Variants in IL36B observed in about 807,000 individuals in gnomAD.
The protein encoded by IL36B is interleukin-36 beta.
IL36B carries 23 observed loss-of-function variants against 19.3 expected under a neutral mutation model. The ratio of observed to expected loss-of-function variants is 1.19; its 90% confidence interval spans 0.86 to 1.69. The LOEUF (loss-of-function observed/expected upper bound fraction) is 1.69, where lower values mean the gene tolerates loss of function less well. IL36B is among the 40% of genes most tolerant of loss of function. IL36B has a pLI of 0.00. For missense variants in IL36B, 217 were observed against 200.5 expected (o/e 1.08, Z -0.50); for synonymous variants, 59 against 59.7 (o/e 0.99, Z 0.05).
At position 113,022,209 on chromosome 2, in the gene IL36B, G is replaced by A. The variant is rs148377545; in HGVS notation, c.*465C>T. On this transcript the variant is annotated 3_prime_UTR_variant, in exon 6 of 6. Coordinates refer to ENST00000259213, the MANE Select transcript of IL36B (RefSeq NM_014438.5). ...TTAAGTTATACATACTAAACAGAGC[G>A]TTTCACTCCTCATGCTCTAGTGAAT... 8.4e-4 allele frequency: 128 copies of A among 153,214 alleles called. No individual in the cohort carries two copies. Among genetic ancestry groups the A allele is most frequent in the African/African-American group, 2.8e-3 (117 of 41,528 alleles). 9.5% of individuals were successfully genotyped at this position (153,214 alleles called of 1,614,324 possible).
chr2:113,026,066 T>C (rs769366818), intron 5 of IL36B: 8 of 1,606,658 alleles, frequency 5.0e-6, no homozygotes, highest in Non-Finnish European at 6.8e-6. Flanking sequence ...CTCAGAATTG[T>C]CCACCTGTGG....
At chr2:113,044,932 TCTCCC>T (rs1685323783) in intron 1 of IL36B, among the ~76,000 whole-genome samples, 1 of 152,138 alleles carries the variant, frequency 6.6e-6, no homozygotes, top group African/African-American at 2.4e-5. Context: ...TTTGTCACAG[TCTCCC>T]ATAGTAAAAT....
chr2:113,030,963 G>T, intron 3 of IL36B, 85 bp downstream of exon 3: 2 of 996,970 alleles, frequency 2.0e-6, no homozygotes, highest in Non-Finnish European at 1.6e-6. Context: ...GTGAGGTCCA[G>T]GGCCAGGCTT....
At chr2:113,026,599 G>T (rs1386807604) in intron 4 of IL36B, among the ~76,000 whole-genome samples, 3 of 152,134 alleles carry the variant, frequency 2.0e-5, no homozygotes, top group Admixed American at 2.0e-4. Context: ...ACATGTACTT[G>T]GTTAGTGGAT....
intron 3 of IL36B, 131 bp downstream of exon 3, chr2:113,030,917 C>T (rs1353148921): frequency 4.5e-6 from 3 of 665,886 alleles, no homozygotes; most frequent in Non-Finnish European, 8.1e-6. Flanking sequence ...TCTCACTTGA[C>T]CTTCCTGTGG....
intron 1 of IL36B, among the ~76,000 whole-genome samples, chr2:113,033,030 G>A (rs1029934532): frequency 1.3e-5 from 2 of 152,198 alleles, no homozygotes; most frequent in Non-Finnish European, 2.9e-5. Flanking sequence ...GGAGGCAGAG[G>A]TGTGGCTCTC....
intron 1 of IL36B, among the ~76,000 whole-genome samples, chr2:113,051,036 G>C (rs748231287): frequency 1.1e-4 from 17 of 151,630 alleles, no homozygotes; most frequent in African/African-American, 3.6e-4. Context: ...GCCTCTCAGC[G>C]TGGCCTCCCG....
chr2:113,036,541 C>T (rs931164799), intron 1 of IL36B, among the ~76,000 whole-genome samples: 2 of 152,064 alleles, frequency 1.3e-5, no homozygotes, highest in Non-Finnish European at 2.9e-5. Context: ...AGTTTTCATT[C>T]CCAGGTTGGA....
intron 1 of IL36B, among the ~76,000 whole-genome samples, chr2:113,040,218 G>A (rs1685231240): frequency 6.6e-6 from 1 of 152,132 alleles, no homozygotes; most frequent in African/African-American, 2.4e-5. Flanking sequence ...ATCTACTTAG[G>A]ATATAAACTC....
intron 3 of IL36B, 124 bp downstream of exon 3, chr2:113,030,924 G>C (rs1685062915): frequency 1.5e-6 from 1 of 684,236 alleles, no homozygotes. Flanking sequence ...TGACCTTCCT[G>C]TGGCTGTTGG....
intron 3 of IL36B, among the ~76,000 whole-genome samples, chr2:113,030,649 A>G (rs1026653791): frequency 2.0e-5 from 3 of 152,210 alleles, no homozygotes; most frequent in Non-Finnish European, 4.4e-5. Context: ...TTTCCCCATT[A>G]TTAGAAAAGA....
chr2:113,028,876 A>G (rs1558831402), intron 4 of IL36B, 63 bp downstream of exon 4: 3 of 1,522,900 alleles, frequency 2.0e-6, no homozygotes, highest in Non-Finnish European at 2.7e-6. Flanking sequence ...ATTCAGTAAC[A>G]TAGTAAATGA....
intron 1 of IL36B, among the ~76,000 whole-genome samples, chr2:113,050,546 A>G (rs1685425337): frequency 6.6e-6 from 1 of 152,298 alleles, no homozygotes; most frequent in South Asian, 2.1e-4. Context: ...GTTGCCCAAC[A>G]ATGTGAATGT....
At chr2:113,027,366 C>T (rs919081807) in intron 4 of IL36B, 67 bp downstream of exon 5, 11 of 618,232 alleles carry the variant, frequency 1.8e-5, no homozygotes, top group Non-Finnish European at 2.0e-5. Context: ...AGTTCAAAAT[C>T]GTGTTGTTCA....
chr2:113,037,477 C>T (rs548604382), intron 1 of IL36B, among the ~76,000 whole-genome samples: 7 of 152,232 alleles, frequency 4.6e-5, no homozygotes, highest in Middle Eastern at 3.4e-3. Flanking sequence ...TGGAGAAACC[C>T]CATCTCTATT....
intron 1 of IL36B, among the ~76,000 whole-genome samples, chr2:113,042,111 C>A (rs373879324): frequency 2.6e-4 from 40 of 152,264 alleles, no homozygotes; most frequent in East Asian, 1.2e-3. Context: ...TGGGTTTCAG[C>A]ACCTGAAGTG....
At chr2:113,031,577 G>C in intron 2 of IL36B, 120 bp downstream of exon 2, 1 of 844,252 alleles carries the variant, frequency 1.2e-6, no homozygotes, top group Non-Finnish European at 2.0e-6. Context: ...TAGGAACTGA[G>C]TGTTTTAGCA....
intron 5 of IL36B, among the ~76,000 whole-genome samples, chr2:113,023,079 A>T (rs577125105): frequency 9.8e-5 from 15 of 152,300 alleles, no homozygotes; most frequent in African/African-American, 3.4e-4. Context: ...TAATAAAGGC[A>T]CTGCTATGAT....
intron 1 of IL36B, among the ~76,000 whole-genome samples, chr2:113,033,812 T>A (rs1685121427): frequency 6.6e-6 from 1 of 152,178 alleles, no homozygotes; most frequent in Middle Eastern, 3.4e-3. Context: ...AACTTGGAGG[T>A]CTTGTGGCTT....
Sources: gnomAD v4.1 joint callset for allele counts (sites outside exome capture counted in the v4.1 genomes callset) on GRCh38, gnomAD v4.1.1 for gene constraint, MANE v1.5 for transcripts, NCBI Gene and HGNC (gene_info 2026-07-23, HGNC 2026-07-21) for gene names.